Variants in XRN1 observed in about 807,000 individuals in gnomAD.
XRN1 encodes the protein strand-exchange protein 1 homolog.
A neutral mutation model predicts 222.3 loss-of-function variants in XRN1; 67 were observed. The ratio of observed to expected loss-of-function variants is 0.30; its 90% confidence interval spans 0.25 to 0.37. The LOEUF (loss-of-function observed/expected upper bound fraction) is 0.37. Among genes scored for constraint, XRN1 ranks in the 10% least tolerant of loss-of-function variants. XRN1 has a pLI of 1.00. For missense variants in XRN1, 1,707 were observed against 2,000.2 expected (o/e 0.85, Z 2.80); for synonymous variants, 643 against 652.4 (o/e 0.99, Z 0.22).
At chr3:142,405,729 C>T (rs2108038088) in intron 15 of XRN1, among the ~76,000 whole-genome samples, 1 of 151,948 alleles carries the variant, frequency 6.6e-6, no homozygotes, top group South Asian at 2.1e-4. Context: ...CAAAACAGTC[C>T]TTTAGGTATT....
intron 39 of XRN1, among the ~76,000 whole-genome samples, chr3:142,313,754 C>T (rs149955604): frequency 1.6e-4 from 24 of 152,202 alleles, no homozygotes; most frequent in African/African-American, 4.8e-4. Flanking sequence ...GAAAATTAGG[C>T]GAGGCGCAGT....
intron 25 of XRN1, among the ~76,000 whole-genome samples, chr3:142,373,781 G>A (rs1054535180): frequency 6.6e-6 from 1 of 151,750 alleles, no homozygotes; most frequent in African/African-American, 2.4e-5. Context: ...TGAGGTCAGG[G>A]GTTTGAGACC....
At chr3:142,421,615 C>G in intron 8 of XRN1, 72 bp from the exon 9 acceptor site, 2 of 1,148,808 alleles carry the variant, frequency 1.7e-6, no homozygotes, top group South Asian at 2.9e-5. Context: ...AAAACTCTTT[C>G]TACAAAATGT....
intron 31 of XRN1, 101 bp from the exon 32 acceptor site, chr3:142,355,597 G>A: frequency 2.6e-6 from 2 of 766,546 alleles, no homozygotes; most frequent in East Asian, 3.2e-5. Flanking sequence ...TTCAGTGGTA[G>A]ACAGGATATT....
rs374124796 is a variant in XRN1, at chr3:142,421,030, T to C, written c.1159A>G (p.Lys387Glu). Reference protein sequence around the residue: ...AAEEARNYKEKKKLKGQENSL... With the variant: ...AAEEARNYKEEKKLKGQENSL... ...AAAATAGACACCTTTAACTTTTTCT[T>C]TTCCTTGTAGTTCCTGGCTTCTTCT... The change falls in exon 10 of 41, where the codon AAG (lysine) becomes GAG (glutamate). Residue 387 changes from lysine (K) to glutamate (E), a missense_variant. Physicochemically the swap from Lys to Glu is moderately conservative, Grantham distance 56. Transcript: ENST00000392981. The C allele has an allele frequency of 2.2e-5, 36 of 1,614,022 alleles. No individual in the cohort carries two copies. In the African/African-American group the frequency reaches 4.5e-4, roughly 20 times the overall value.
chr3:142,332,525 G>A lies in XRN1; in HGVS notation c.4072C>T (p.Arg1358Trp), dbSNP rs1213312515. ...ATTTTTAGAATTTCTTTAAGCATCC[G>A]TGTTCCCTTCTTTTTGAAAATGATT... ...SPQSFAMKGT[R>W]MLKEILKIDG... Residue 1358 changes from arginine to tryptophan, a missense_variant, in exon 36 of 41, where the codon CGG becomes TGG. Physicochemically the swap from Arg to Trp is moderately radical, Grantham distance 101. This residue lies in a region of XRN1 where 473 missense variants were observed against 482.0 expected (regional missense o/e 0.98). Transcript: ENST00000392981. 13 of 1,606,914 alleles carry A rather than the reference G, an allele frequency of 8.1e-6. No individual in the cohort carries two copies. The highest frequency in any genetic ancestry group is 1.1e-5 in the South Asian group (1 of 89,950).
At chr3:142,420,153 A>G (rs1393489113) in intron 10 of XRN1, 1 of 152,142 alleles carries the variant, frequency 6.6e-6, no homozygotes, top group African/African-American at 2.4e-5. Flanking sequence ...CATTTTAAAA[A>G]CTAGTCCATT....
chr3:142,348,796 A>T (rs2066223695), intron 32 of XRN1, among the ~76,000 whole-genome samples: 1 of 152,110 alleles, frequency 6.6e-6, no homozygotes, highest in African/African-American at 2.4e-5. Flanking sequence ...TCAGTTTTTT[A>T]AAAATCTATT....
At chr3:142,410,466 C>T (rs1272902796) in intron 15 of XRN1, among the ~76,000 whole-genome samples, 2 of 147,566 alleles carry the variant, frequency 1.4e-5, no homozygotes, top group South Asian at 2.1e-4. Context: ...CCTTCTTATA[C>T]GCTGTCAGAT....
intron 10 of XRN1, 79 bp downstream of exon 10, chr3:142,420,937 G>A: frequency 1.3e-6 from 2 of 1,574,678 alleles, no homozygotes; most frequent in Non-Finnish European, 1.7e-6. Flanking sequence ...CAAATCATAA[G>A]AAGGAAAATG....
At chr3:142,397,967 T>C (rs1030381636) in intron 19 of XRN1, among the ~76,000 whole-genome samples, 6 of 152,108 alleles carry the variant, frequency 3.9e-5, no homozygotes, top group Non-Finnish European at 7.4e-5. Context: ...TAAGGTTGGG[T>C]GCAGTGGCTC....
At chr3:142,400,042 CA>C (rs1577365745) in intron 19 of XRN1, among the ~76,000 whole-genome samples, 2 of 152,000 alleles carry the variant, frequency 1.3e-5, no homozygotes, top group East Asian at 3.9e-4. Flanking sequence ...TTTCTTAAAA[CA>C]AAAGATATGT....
intron 8 of XRN1, among the ~76,000 whole-genome samples, chr3:142,422,022 A>G (rs1043783857): frequency 6.6e-6 from 1 of 152,198 alleles, no homozygotes; most frequent in African/African-American, 2.4e-5. Flanking sequence ...TAAAACCAAT[A>G]AAGTATGCTG....
At chr3:142,343,409 G>A (rs1011610260) in intron 33 of XRN1, among the ~76,000 whole-genome samples, 9 of 151,022 alleles carry the variant, frequency 6.0e-5, no homozygotes, top group African/African-American at 2.0e-4. Flanking sequence ...AGCTGAGATC[G>A]CACCATTGCA....
intron 15 of XRN1, among the ~76,000 whole-genome samples, chr3:142,408,651 T>C (rs763562912): frequency 2.0e-5 from 3 of 152,346 alleles, no homozygotes; most frequent in South Asian, 2.1e-4. Context: ...TTAGTTATTA[T>C]GAATAGTCTT....
intron 29 of XRN1, among the ~76,000 whole-genome samples, chr3:142,360,223 T>C (rs111607936): frequency 9.2e-5 from 14 of 152,304 alleles, no homozygotes; most frequent in Admixed American, 2.6e-4. Flanking sequence ...TACATACATA[T>C]GTATCTATGA....
chr3:142,314,513 G>A (rs1301854329), intron 39 of XRN1, among the ~76,000 whole-genome samples: 1 of 152,058 alleles, frequency 6.6e-6, no homozygotes, highest in African/African-American at 2.4e-5. Flanking sequence ...TGAATGTGAA[G>A]CAGCAGCAGT....
chr3:142,322,971 C>T (rs1346405714), intron 37 of XRN1, among the ~76,000 whole-genome samples: 6 of 152,132 alleles, frequency 3.9e-5, no homozygotes, highest in African/African-American at 1.4e-4. Context: ...GCACTGCACT[C>T]CAGCCTGGGT....
In XRN1 at chr3:142,411,161, T is replaced by C. The variant is rs546147504; in HGVS notation, c.1713+1383A>G. Among the ~76,000 whole-genome samples the C allele has an allele frequency of 8.5e-5, 13 of 152,344 alleles. No individual in the cohort carries two copies. The East Asian group carries it at 2.5e-3, about 29-fold the overall frequency. On this transcript the variant is annotated intron_variant, in intron 15 of 40. Coordinates refer to ENST00000392981, the MANE Select transcript of XRN1 (RefSeq NM_001282857.2). ...ACATTCCTTAACTAACCTTTTACTATATGAAGGAACTATAAGATAGCTCCT... is the reference window on the plus strand; with the variant it reads ...ACATTCCTTAACTAACCTTTTACTACATGAAGGAACTATAAGATAGCTCCT...
Sources: allele counts gnomAD v4.1 joint callset (sites outside exome capture counted in the v4.1 genomes callset), GRCh38; gene constraint gnomAD v4.1.1; regional missense constraint gnomAD v4.1.1; transcripts MANE v1.5; gene names NCBI Gene and HGNC (gene_info 2026-07-23, HGNC 2026-07-21).